Variants in USP6NL observed in about 807,000 individuals in gnomAD.
USP6NL encodes USP6 N-terminal like.
Under a neutral mutation model 61.9 loss-of-function variants are expected in USP6NL, and 26 were observed. That is an observed-to-expected ratio of 0.42 (90% CI 0.31 to 0.58). The LOEUF (loss-of-function observed/expected upper bound fraction) is 0.58. Ranked by LOEUF, USP6NL falls within the 20% of genes least tolerant of loss-of-function variation. USP6NL has a pLI of 0.16. For synonymous variants in USP6NL, 432 were observed against 390.1 expected, an observed-to-expected ratio of 1.11 and a Z score of -1.27; for missense variants, 1,114 against 1,034.3, an observed-to-expected ratio of 1.08 and a Z score of -1.06.
At position 11,596,037 on chromosome 10, in the gene USP6NL, T is replaced by G. The variant is rs559121686; in HGVS notation, c.4+1594A>C. Among the ~76,000 whole-genome samples the G allele has an allele frequency of 2.0e-5, 3 of 152,300 alleles. No individual in the cohort carries two copies. The East Asian group carries it at 5.8e-4, about 29-fold the overall frequency. ...CCTCGCAAGACTTTGATCTTTGTTTTCTAGGGTAAGCAGTATACAAGACAC... is the reference window on the plus strand; with the variant it reads ...CCTCGCAAGACTTTGATCTTTGTTTGCTAGGGTAAGCAGTATACAAGACAC... On this transcript the variant is annotated intron_variant, in intron 2 of 14. Transcript: ENST00000609104. This position sits in a 1 kb window ranked among gnomAD's most constrained non-coding sequence, Gnocchi z 4.1.
Position 11,481,682 on chromosome 10 carries a change from C to CGT in USP6NL, c.1078+87_1078+88insAC. On this transcript the variant is annotated intron_variant, in intron 14 of 14. Coordinates refer to ENST00000609104, the MANE Select transcript of USP6NL (RefSeq NM_014688.5). The surrounding 1 kb of genome is among the most constrained non-coding windows in gnomAD (Gnocchi z 4.4). ...TGTCATCACAAGTATAATGCTTACGCTGTGGGCAAGAAACAGCCCATGTTA... is the reference window on the plus strand; with the variant it reads ...TGTCATCACAAGTATAATGCTTACGCGTTGTGGGCAAGAAACAGCCCATGTTA... The CGT allele has an allele frequency of 7.3e-7, 1 of 1,378,998 alleles. No homozygotes were observed. The highest frequency in any genetic ancestry group is 9.7e-7 in the Non-Finnish European group (1 of 1,031,910). 85.4% of individuals were successfully genotyped at this position (1,378,998 alleles called of 1,614,324 possible).
At chr10:11,542,484 C>T (rs796798692) in intron 2 of USP6NL, among the ~76,000 whole-genome samples, 1 of 152,062 alleles carries the variant, frequency 6.6e-6, no homozygotes, top group East Asian at 1.9e-4. Context: ...TTTGGGAGGC[C>T]GAGGCAGGTA....
At chr10:11,501,761 C>T in intron 6 of USP6NL, among the ~76,000 whole-genome samples, 1 of 152,208 alleles carries the variant, frequency 6.6e-6, no homozygotes, top group East Asian at 1.9e-4. Context: ...TACTGGCCAT[C>T]TTCAGTGTTC....
chr10:11,504,876 C>T (rs1365905748), intron 6 of USP6NL, among the ~76,000 whole-genome samples: 2 of 152,218 alleles, frequency 1.3e-5, no homozygotes, highest in Admixed American at 1.3e-4. Flanking sequence ...TAGAGACAGA[C>T]TCCCCAGTGA....
At position 11,520,665 on chromosome 10, in the gene USP6NL, T is replaced by G. The variant is rs1835169497; in HGVS notation, c.156-2091A>C. 6.6e-6 allele frequency among the ~76,000 whole-genome samples: 1 copy of G among 152,224 alleles called. No homozygotes were observed. The highest frequency in any genetic ancestry group is 2.4e-5 in the African/African-American group (1 of 41,458). The stretch of plus-strand genomic sequence containing the variant: ...AATCTGGGTGAATGCAGAGAATTCC[T>G]TTAGGTCAGCAAACTATGGTGCATA... On this transcript the variant is annotated intron_variant, in intron 4 of 14. Coordinates refer to ENST00000609104, the MANE Select transcript of USP6NL (RefSeq NM_014688.5). The surrounding 1 kb of genome is among the most constrained non-coding windows in gnomAD (Gnocchi z 5.2).
chr10:11,607,977 A>G (rs1838761710), intron 1 of USP6NL, among the ~76,000 whole-genome samples: 2 of 152,218 alleles, frequency 1.3e-5, no homozygotes, highest in South Asian at 4.1e-4. Context: ...ACACTTAAAA[A>G]CAAGATATGA....
intron 7 of USP6NL, among the ~76,000 whole-genome samples, chr10:11,500,884 T>C (rs892034663): frequency 1.3e-5 from 2 of 152,368 alleles, no homozygotes; most frequent in Non-Finnish European, 2.9e-5. Context: ...TTCATACTTA[T>C]TGATACAGAC....
rs933233550 is a variant in USP6NL at position 11,585,712 on chromosome 10, G to C, written c.4+11919C>G. On this transcript the variant is annotated intron_variant, in intron 2 of 14. Transcript: ENST00000609104. This position sits in a 1 kb window ranked among gnomAD's most constrained non-coding sequence, Gnocchi z 4.5. The stretch of plus-strand genomic sequence containing the variant: ...TGAATAAAAATTTAAAAAGGTGGAA[G>C]CAACCCAAGTGTCCACTGACAGAAG... 3.3e-5 allele frequency among the ~76,000 whole-genome samples: 5 copies of C among 152,100 alleles called. No individual in the cohort carries two copies. Among genetic ancestry groups the C allele is most frequent in the African/African-American group, 1.2e-4 (5 of 41,410 alleles).
intron 2 of USP6NL, among the ~76,000 whole-genome samples, chr10:11,551,971 T>G (rs1454241391): frequency 1.3e-5 from 2 of 152,234 alleles, no homozygotes; most frequent in African/African-American, 4.8e-5. Context: ...AGTACATACC[T>G]AAATAGCAGG....
Position 11,591,561 on chromosome 10 carries a change from G to A in USP6NL, c.4+6070C>T, listed in dbSNP as rs1232849808. Among the ~76,000 whole-genome samples the A allele has an allele frequency of 2.0e-5, 3 of 151,800 alleles. No homozygotes were observed. Among genetic ancestry groups the A allele is most frequent in the Non-Finnish European group, 4.4e-5 (3 of 67,956 alleles). On this transcript the variant is annotated intron_variant, in intron 2 of 14. Coordinates refer to ENST00000609104, the MANE Select transcript of USP6NL (RefSeq NM_014688.5). The surrounding 1 kb of genome is among the most constrained non-coding windows in gnomAD (Gnocchi z 4.7). ...CAAAAAATTAAATCACCAAATAAAA[G>A]GAAAACAGACTTTCACAGAAAATGT...
chr10:11,558,246 T>C (rs1221044066), intron 2 of USP6NL, among the ~76,000 whole-genome samples: 4 of 152,190 alleles, frequency 2.6e-5, no homozygotes, highest in African/African-American at 9.7e-5. Context: ...CCTATAAGTA[T>C]GTACAACAAG....
chr10:11,544,275 G>A (rs1436926665), intron 2 of USP6NL, among the ~76,000 whole-genome samples: 7 of 152,122 alleles, frequency 4.6e-5, no homozygotes, highest in Admixed American at 1.3e-4. Flanking sequence ...TGGGGGAGGG[G>A]AGCCTTGTCC....
rs71378797 is a variant in USP6NL at position 11,541,230 on chromosome 10, C to CATATATATATAT, written c.5-13675_5-13664dup. Among the ~76,000 whole-genome samples the CATATATATATAT allele has an allele frequency of 2.1e-3, 92 of 43,190 alleles. 3 individuals carry two copies. The highest frequency in any genetic ancestry group is 3.1e-3 in the Non-Finnish European group (68 of 22,270). 28.3% of individuals were successfully genotyped at this position (43,190 alleles called of 152,430 possible). A position where few individuals can be genotyped will look rare whatever the true frequency, so the allele number is the denominator to read the frequency against. ...TTTATATAACAAACATCAATAGTGC[C>CATATATATATAT]ATATATATATATATATATATATATA... On this transcript the variant is annotated intron_variant, in intron 2 of 14. Coordinates refer to ENST00000609104, the MANE Select transcript of USP6NL (RefSeq NM_014688.5).
intron 2 of USP6NL, among the ~76,000 whole-genome samples, chr10:11,576,381 TC>T (rs1274158314): frequency 6.7e-6 from 1 of 150,294 alleles, no homozygotes; most frequent in Non-Finnish European, 1.5e-5. Context: ...ATGTCTAAGT[TC>T]CCCCAAAATT....
At position 11,562,776 on chromosome 10, in the gene USP6NL, C is replaced by T. The variant is rs75394952; in HGVS notation, c.4+34855G>A. ...ACACAGTACAATCATAAGTGAATTG[C>T]CTAATTTCTCAGTATTCTAGTTTTA... is the stretch of plus-strand genomic sequence containing the variant. On this transcript the variant is annotated intron_variant, in intron 2 of 14. Transcript: ENST00000609104. The surrounding 1 kb of genome is among the most constrained non-coding windows in gnomAD (Gnocchi z 4.8). 0.034 allele frequency: 33,111 copies of T among 984,550 alleles called. 650 individuals carry two copies. The highest frequency in any genetic ancestry group is 0.038 in the Non-Finnish European group (31,204 of 829,168). The allele number at this position is 984,550 out of a possible 1,614,324, so 61.0% of individuals were successfully genotyped here. A position where few individuals can be genotyped will look rare whatever the true frequency, so the allele number is the denominator to read the frequency against.
Position 11,574,302 on chromosome 10 carries a change from C to G in USP6NL, c.4+23329G>C, listed in dbSNP as rs796071130. Among the ~76,000 whole-genome samples the G allele has an allele frequency of 6.6e-6, 1 of 152,150 alleles. No individual in the cohort carries two copies. Among genetic ancestry groups the G allele is most frequent in the Non-Finnish European group, 1.5e-5 (1 of 68,024 alleles). ...AATATCCTATAAATTCCTTGTCCTC[C>G]TCCTCACATATACACCTCTGACATC... is the stretch of plus-strand genomic sequence containing the variant. On this transcript the variant is annotated intron_variant, in intron 2 of 14. Transcript: ENST00000609104. The surrounding 1 kb of genome is among the most constrained non-coding windows in gnomAD (Gnocchi z 4.3).
chr10:11,514,405 TAA>T (rs1834865402), intron 5 of USP6NL, among the ~76,000 whole-genome samples: 1 of 152,156 alleles, frequency 6.6e-6, no homozygotes, highest in Admixed American at 6.6e-5. Flanking sequence ...CTTTGGACTT[TAA>T]AAAGTTTTTC....
At chr10:11,551,104 TACTG>T (rs1836465538) in intron 2 of USP6NL, among the ~76,000 whole-genome samples, 1 of 152,194 alleles carries the variant, frequency 6.6e-6, no homozygotes, top group Non-Finnish European at 1.5e-5. Context: ...AATTGTATCA[TACTG>T]ACCAGCAATC....
At chr10:11,516,662 T>A (rs571503480) in intron 5 of USP6NL, among the ~76,000 whole-genome samples, 4 of 152,316 alleles carry the variant, frequency 2.6e-5, no homozygotes, top group South Asian at 4.1e-4. Context: ...ATCAACAGCC[T>A]CTGAATCCTG....
Sources: gnomAD v4.1 joint callset for allele counts (sites outside exome capture counted in the v4.1 genomes callset) on GRCh38, gnomAD v4.1.1 for gene constraint, Gnocchi (gnomAD v3.1) non-coding constraint, MANE v1.5 for transcripts, NCBI Gene and HGNC (gene_info 2026-07-23, HGNC 2026-07-21) for gene names.